Variants in SQOR observed in about 807,000 individuals in gnomAD.
The protein encoded by SQOR is sulfide:quinone oxidoreductase, mitochondrial.
SQOR carries 39 observed loss-of-function variants against 48.6 expected under a neutral mutation model. The observed-to-expected ratio is 0.80, with a 90% CI of 0.62 to 1.05. SQOR has a LOEUF of 1.05. Among genes scored for constraint, SQOR ranks in the 50% least tolerant of loss-of-function variants. The pLI, the probability that SQOR is intolerant of heterozygous loss-of-function variation, is 0.00. For missense variants in SQOR, 561 were observed against 559.9 expected (o/e 1.00, Z -0.02); for synonymous variants, 220 against 206.2 (o/e 1.07, Z -0.57).
chr15:45,675,795 C>G (rs888577380), intron 5 of SQOR, among the ~76,000 whole-genome samples: 2 of 152,180 alleles, frequency 1.3e-5, no homozygotes, highest in African/African-American at 2.4e-5. Flanking sequence ...TAAATGAATA[C>G]ATGAATATAT....
intron 1 of SQOR, among the ~76,000 whole-genome samples, chr15:45,654,581 G>A (rs1889560243): frequency 6.6e-6 from 1 of 152,188 alleles, no homozygotes; most frequent in Non-Finnish European, 1.5e-5. Flanking sequence ...GAACCATGAA[G>A]TATTAGACTG....
At position 45,669,987 on chromosome 15, in the gene SQOR, G is replaced by A. The variant is rs76269366; in HGVS notation, c.459+6G>A. On this transcript the variant is annotated splice_donor_region_variant and intron_variant, in intron 4 of 9. Coordinates refer to ENST00000260324, the MANE Select transcript of SQOR (RefSeq NM_021199.4). ...TCCAGCTGGACTATGAGAAGGTACC[G>A]TGTGAAACTGTTTCTGTGTTACGCT... The A allele has an allele frequency of 5.5e-3, 8,861 of 1,613,508 alleles. 30 individuals are homozygous for A. Among genetic ancestry groups the A allele is most frequent in the Admixed American group, 8.9e-3 (533 of 60,010 alleles).
intron 1 of SQOR, among the ~76,000 whole-genome samples, chr15:45,658,211 G>T (rs550040501): frequency 3.3e-5 from 5 of 152,274 alleles, no homozygotes; most frequent in African/African-American, 9.6e-5. Context: ...TACCAGGCAG[G>T]GCTCCTTTTA....
intron 2 of SQOR, among the ~76,000 whole-genome samples, chr15:45,659,565 T>C (rs566530230): frequency 1.7e-4 from 26 of 152,260 alleles, no homozygotes; most frequent in African/African-American, 6.0e-4. Flanking sequence ...CATGCCTCTC[T>C]CCCAGCTTCT....
At chr15:45,652,241 C>A (rs987733980) in intron 1 of SQOR, among the ~76,000 whole-genome samples, 1 of 152,152 alleles carries the variant, frequency 6.6e-6, no homozygotes, top group Non-Finnish European at 1.5e-5. Flanking sequence ...ACTAAGAAAT[C>A]ATATCAGATT....
rs1455572985 is a variant in SQOR, at chr15:45,676,163, T to G, written c.717T>G (p.Val239=). The G allele has an allele frequency of 6.2e-7, 1 of 1,614,134 alleles. No homozygotes were observed. Among genetic ancestry groups the G allele is most frequent in the South Asian group, 1.1e-5 (1 of 91,078 alleles). Residue 239 remains valine, a synonymous_variant, in exon 6 of 10, where the codon GTT becomes GTG. Transcript: ENST00000260324. ...FNTSLGAIFG[V]KKYADALQEI... is the part of the protein sequence containing the mutation. ...CTTCTCTTGGAGCCATTTTCGGGGT[T>G]AAGAAGTATGCAGATGCCCTGCAGG...
intron 6 of SQOR, among the ~76,000 whole-genome samples, chr15:45,681,497 G>C (rs1479838064): frequency 4.6e-5 from 7 of 152,164 alleles, no homozygotes; most frequent in African/African-American, 1.7e-4. Context: ...ATCAGTGACT[G>C]CTGAGCCTCT....
chr15:45,688,975 A>G (rs190475673), intron 8 of SQOR, 64 bp from the exon 9 acceptor site: 107 of 1,317,050 alleles, frequency 8.1e-5, no homozygotes, highest in Admixed American at 4.1e-4. Context: ...AATAAATTCT[A>G]TAGTGTTAAT....
upstream of SQOR, chr15:45,631,851 T>C (rs1214908245): frequency 6.6e-6 from 1 of 152,282 alleles, no homozygotes; most frequent in South Asian, 2.1e-4. Flanking sequence ...TCTTTCAGTT[T>C]CCCATATCCC....
intron 3 of SQOR, among the ~76,000 whole-genome samples, chr15:45,665,814 C>T (rs573775186): frequency 9.9e-5 from 15 of 152,274 alleles, no homozygotes; most frequent in African/African-American, 1.7e-4. Flanking sequence ...AAACTCCTGA[C>T]GTCAGATGAT....
intron 1 of SQOR, among the ~76,000 whole-genome samples, chr15:45,637,835 G>C (rs902001208): frequency 1.3e-5 from 2 of 152,200 alleles, no homozygotes; most frequent in Non-Finnish European, 2.9e-5. Flanking sequence ...CCATGACAAG[G>C]CATTTCTGGG....
At chr15:45,671,574 G>A (rs1164913973) in intron 4 of SQOR, among the ~76,000 whole-genome samples, 1 of 152,156 alleles carries the variant, frequency 6.6e-6, no homozygotes, top group African/African-American at 2.4e-5. Context: ...TGTGCTACTT[G>A]GGACTCTTTG....
intron 7 of SQOR, among the ~76,000 whole-genome samples, chr15:45,687,850 A>G (rs1890250657): frequency 6.6e-6 from 1 of 152,122 alleles, no homozygotes; most frequent in African/African-American, 2.4e-5. Flanking sequence ...ATATCCACAG[A>G]TCTATATCTA....
chr15:45,670,137 G>A (rs2140954353), intron 4 of SQOR, among the ~76,000 whole-genome samples, 156 bp downstream of exon 4: 1 of 152,300 alleles, frequency 6.6e-6, no homozygotes, highest in South Asian at 2.1e-4. Flanking sequence ...CAGTTTTAAG[G>A]AAGTCTTCTC....
chr15:45,660,767 G>A (rs991618223), intron 2 of SQOR, among the ~76,000 whole-genome samples: 1 of 152,128 alleles, frequency 6.6e-6, no homozygotes, highest in African/African-American at 2.4e-5. Flanking sequence ...CTCCCTCTTG[G>A]ATCACATTAT....
At chr15:45,660,528 G>A (rs562463198) in intron 2 of SQOR, among the ~76,000 whole-genome samples, 16 of 152,266 alleles carry the variant, frequency 1.1e-4, no homozygotes, top group Non-Finnish European at 1.9e-4. Context: ...CAATTCAGGC[G>A]GCCAGAATCA....
rs1890272471 is a variant in SQOR at position 45,689,060 on chromosome 15, C to T, written c.1138C>T (p.Pro380Ser). 6.2e-7 allele frequency: 1 copy of T among 1,614,028 alleles called. No homozygotes were observed. The highest frequency in any genetic ancestry group is 8.5e-7 in the Non-Finnish European group (1 of 1,179,978). ...TKKYDGYTSC[P>S]LVTGYNRVIL... ...TTAGTATGATGGCTACACATCATGT[C>T]CACTGGTGACCGGCTACAACCGTGT... The change falls in exon 9 of 10, where the codon CCA becomes TCA. Residue 380 changes from proline (P) to serine (S), a missense_variant. Transcript: ENST00000260324.
At chr15:45,642,025 T>A (rs1242909692) in intron 1 of SQOR, among the ~76,000 whole-genome samples, 1 of 152,200 alleles carries the variant, frequency 6.6e-6, no homozygotes, top group East Asian at 1.9e-4. Flanking sequence ...TTTCCTGTTA[T>A]AACAGACAGA....
chr15:45,638,525 C>T (rs763567556), intron 1 of SQOR, among the ~76,000 whole-genome samples: 1 of 152,066 alleles, frequency 6.6e-6, no homozygotes, highest in Non-Finnish European at 1.5e-5. Flanking sequence ...GAGTTTGAGG[C>T]CAGCCTGGCC....
Sources: allele counts gnomAD v4.1 joint callset (sites outside exome capture counted in the v4.1 genomes callset), GRCh38; gene constraint gnomAD v4.1.1; transcripts MANE v1.5; gene names NCBI Gene and HGNC (gene_info 2026-07-23, HGNC 2026-07-21).